The following MCF2L2 variants were observed in gnomAD, a reference collection of about 807,000 sequenced individuals.
The protein encoded by MCF2L2 is MCF.2 cell line derived transforming sequence-like 2.
MCF2L2 carries 102 observed loss-of-function variants against 150.2 expected under a neutral mutation model. The ratio of observed to expected loss-of-function variants is 0.68; its 90% CI spans 0.58 to 0.80. The LOEUF (loss-of-function observed/expected upper bound fraction) is 0.80, where lower values mean the gene tolerates loss of function less well. Ranked by LOEUF, MCF2L2 falls within the 30% of genes least tolerant of loss-of-function variation. The pLI is 0.00. For missense variants in MCF2L2, 1,256 were observed against 1,372.8 expected (o/e 0.91, Z 1.34); for synonymous variants, 465 against 491.3 (o/e 0.95, Z 0.71).
chr3:183,395,917 C>CAAAAAAAAAAAAAAAA (rs11338932), intron 1 of MCF2L2, among the ~76,000 whole-genome samples: 3 of 58,072 alleles, frequency 5.2e-5, no homozygotes, highest in Non-Finnish European at 9.3e-5. Flanking sequence ...GACATCGTCT[C>CAAAAAAAAAAAAAAAA]AAAAAAAAAA....
chr3:183,402,830 C>T (rs540179552), intron 1 of MCF2L2, among the ~76,000 whole-genome samples: 1 of 150,910 alleles, frequency 6.6e-6, no homozygotes, highest in East Asian at 1.9e-4. Flanking sequence ...TAAATGCTAC[C>T]GAGGAAACTG....
intron 5 of MCF2L2, among the ~76,000 whole-genome samples, chr3:183,336,411 A>G (rs1200406609): frequency 6.6e-6 from 1 of 152,166 alleles, no homozygotes; most frequent in African/African-American, 2.4e-5. Context: ...CCAAGAATAT[A>G]TATTAGAAAA....
intron 26 of MCF2L2, 101 bp downstream of exon 26, chr3:183,195,121 A>G: frequency 1.0e-6 from 1 of 994,004 alleles, no homozygotes; most frequent in South Asian, 1.6e-5. Context: ...GTAATAAGCC[A>G]AGTGTTGGGG....
chr3:183,382,836 G>A (rs1351063389), intron 2 of MCF2L2, among the ~76,000 whole-genome samples: 1 of 152,210 alleles, frequency 6.6e-6, no homozygotes, highest in African/African-American at 2.4e-5. Flanking sequence ...GGGCCCTGGT[G>A]ATAGCTGGCA....
intron 1 of MCF2L2, among the ~76,000 whole-genome samples, chr3:183,427,627 G>T (rs886760685): frequency 2.0e-5 from 3 of 151,322 alleles, no homozygotes; most frequent in African/African-American, 4.9e-5. Context: ...GATGGTAACA[G>T]CCCAGCAGCC....
intron 5 of MCF2L2, among the ~76,000 whole-genome samples, chr3:183,324,516 T>A (rs1484341260): frequency 6.6e-6 from 1 of 152,212 alleles, no homozygotes; most frequent in Non-Finnish European, 1.5e-5. Context: ...AATATGGACT[T>A]CCTTCTATTA....
intron 1 of MCF2L2, among the ~76,000 whole-genome samples, chr3:183,417,649 G>A (rs779994432): frequency 6.6e-6 from 1 of 152,040 alleles, no homozygotes; most frequent in Admixed American, 6.5e-5. Flanking sequence ...ATCTGTTTTT[G>A]TTTATCCAGG....
rs1248593765 is a variant in MCF2L2 at position 183,181,849 on chromosome 3, C to G, written c.3017-1690G>C. Among the ~76,000 whole-genome samples, 1 of 152,160 alleles carries G rather than the reference C, an allele frequency of 6.6e-6. No individual in the cohort carries two copies. Among genetic ancestry groups the G allele is most frequent in the African/African-American group, 2.4e-5 (1 of 41,438 alleles). ...TTCGTCAGCCATAGGCAGCCACAGC[C>G]TGGGGTGGGCAGGGCTGGGAGGCGA... On this transcript the variant is annotated intron_variant, in intron 27 of 29. Transcript: ENST00000328913. The surrounding 1 kb of genome is among the most constrained non-coding windows in gnomAD (Gnocchi z 4.3).
chr3:183,291,511 C>T (rs1018950590), intron 13 of MCF2L2, among the ~76,000 whole-genome samples: 4 of 152,194 alleles, frequency 2.6e-5, no homozygotes, highest in African/African-American at 9.7e-5. Flanking sequence ...TCCTTATGAA[C>T]TTCAGAGGTG....
At chr3:183,275,849 C>T (rs528025412) in intron 15 of MCF2L2, among the ~76,000 whole-genome samples, 13 of 152,234 alleles carry the variant, frequency 8.5e-5, no homozygotes, top group Non-Finnish European at 1.3e-4. Context: ...CTCCTGGGCT[C>T]GAGCAATCCT....
intron 25 of MCF2L2, among the ~76,000 whole-genome samples, chr3:183,199,858 T>C (rs141359755): frequency 0.016 from 2,334 of 147,248 alleles, 145 homozygotes; most frequent in Admixed American, 0.1. Context: ...TTCCCACCTA[T>C]GAGTGAGAAC....
rs184324063 is a variant in MCF2L2 at position 183,216,830 on chromosome 3, C to T, written c.2371-736G>A. Among the ~76,000 whole-genome samples the T allele has an allele frequency of 5.3e-3, 795 of 150,558 alleles. 22 individuals are homozygous for T. The highest frequency in any genetic ancestry group is 0.044 in the Admixed American group (664 of 15,066). On this transcript the variant is annotated intron_variant, in intron 21 of 29. Coordinates refer to ENST00000328913, the MANE Select transcript of MCF2L2 (RefSeq NM_015078.4). ...ATGTTGACCAGGCTGTTCTCAAACT[C>T]CTAACCTCAGGTGATCCACCCACCT...
At chr3:183,355,849 T>C (rs1711747376) in intron 3 of MCF2L2, among the ~76,000 whole-genome samples, 2 of 152,086 alleles carry the variant, frequency 1.3e-5, no homozygotes, top group African/African-American at 2.4e-5. Context: ...CTAGGGGTGA[T>C]GCCCCAGATT....
chr3:183,266,215 G>A lies in MCF2L2; in HGVS notation c.1862+10657C>T, dbSNP rs1421482766. On this transcript the variant is annotated intron_variant, in intron 15 of 29. Transcript: ENST00000328913. ...TGGGTGTGGGAGCAGTTGGACTTGT[G>A]GGCACAAAGTCTAGCAAGAAGCTCA... 2.0e-5 allele frequency: 3 copies of A among 152,216 alleles called. No individual in the cohort carries two copies. In the East Asian group the frequency reaches 5.8e-4, roughly 29 times the overall value. The allele number at this position is 152,216 out of a possible 1,614,324, so 9.4% of individuals were successfully genotyped here.
At chr3:183,332,785 A>G (rs145005337) in intron 5 of MCF2L2, among the ~76,000 whole-genome samples, 1 of 152,356 alleles carries the variant, frequency 6.6e-6, no homozygotes, top group East Asian at 1.9e-4. Context: ...AAAACTGAGC[A>G]AAGAACTCAG....
intron 1 of MCF2L2, among the ~76,000 whole-genome samples, chr3:183,400,987 T>G (rs541580029): frequency 1.3e-5 from 2 of 152,254 alleles, no homozygotes; most frequent in East Asian, 3.9e-4. Flanking sequence ...GCAGGCACCT[T>G]AAATTGACAC....
At chr3:183,250,748 T>C (rs1419697537) in intron 15 of MCF2L2, among the ~76,000 whole-genome samples, 3 of 151,932 alleles carry the variant, frequency 2.0e-5, no homozygotes, top group African/African-American at 7.3e-5. Flanking sequence ...GCCAAGGAGA[T>C]AGGGCATCGT....
In MCF2L2 at chr3:183,207,729, C is replaced by T. The variant is rs143903251; in HGVS notation, c.2591G>A (p.Arg864Gln). ...KDRYKMKDLI[R>Q]FKPSQRQIYL... ...GATTTGCCTCTGGCTGGGTTTAAAT[C>T]GAATCAAATCCTTCATTTTATAACG... Residue 864 changes from arginine (R) to glutamine (Q), a missense_variant, in exon 23 of 30, where the codon CGA (arginine) becomes CAA (glutamine). Transcript: ENST00000328913. 11 of 1,614,060 alleles carry T rather than the reference C, an allele frequency of 6.8e-6. No individual in the cohort carries two copies. The highest frequency in any genetic ancestry group is 1.6e-4 in the Middle Eastern group (1 of 6,084).
At chr3:183,317,143 G>A (rs1025320249) in intron 7 of MCF2L2, among the ~76,000 whole-genome samples, 1 of 152,134 alleles carries the variant, frequency 6.6e-6, no homozygotes, top group Non-Finnish European at 1.5e-5. Flanking sequence ...TTGAGTTTTT[G>A]GTTTTCCTGG....
Sources: allele counts gnomAD v4.1 joint callset (sites outside exome capture counted in the v4.1 genomes callset), GRCh38; gene constraint gnomAD v4.1.1; non-coding constraint Gnocchi (gnomAD v3.1); transcripts MANE v1.5; gene names NCBI Gene and HGNC (gene_info 2026-07-23, HGNC 2026-07-21).